The following POLR3G variants were observed in gnomAD, a reference collection of about 807,000 sequenced individuals.
POLR3G encodes the protein DNA-directed RNA polymerase III subunit RPC7.
A neutral mutation model predicts 30.1 loss-of-function variants in POLR3G; 28 were observed. That is an observed-to-expected ratio of 0.93 (90% CI 0.69 to 1.27). POLR3G has a LOEUF of 1.27. Among genes scored for constraint, POLR3G ranks in the 50% most tolerant of loss-of-function variants. The pLI, the probability that POLR3G is intolerant of heterozygous loss-of-function variation, is 0.00. For synonymous variants in POLR3G, 79 were observed against 82.5 expected (o/e 0.96, Z 0.23); for missense variants, 254 against 264.6 (o/e 0.96, Z 0.28).
intron 1 of POLR3G, among the ~76,000 whole-genome samples, chr5:90,479,400 G>A (rs1187614532): frequency 6.6e-6 from 1 of 152,106 alleles, no homozygotes; most frequent in African/African-American, 2.4e-5. Context: ...TTGAACCCGG[G>A]AGGCGGAGGT....
chr5:90,479,111 T>C (rs1227746244), intron 1 of POLR3G, among the ~76,000 whole-genome samples: 1 of 152,172 alleles, frequency 6.6e-6, no homozygotes, highest in Non-Finnish European at 1.5e-5. Flanking sequence ...ACATTAATTG[T>C]GGAGCTGTTG....
upstream of POLR3G, chr5:90,474,044 G>T (rs761125129): frequency 6.3e-7 from 1 of 1,590,380 alleles, no homozygotes; most frequent in South Asian, 1.1e-5. Flanking sequence ...CGAAGTGCAC[G>T]TGGGTGGCCA....
chr5:90,496,133 A>G (rs1266397493), intron 4 of POLR3G, among the ~76,000 whole-genome samples: 2 of 151,254 alleles, frequency 1.3e-5, no homozygotes, highest in Admixed American at 6.6e-5. Context: ...CACCATGCCC[A>G]GCTAATTTTT....
intron 7 of POLR3G, among the ~76,000 whole-genome samples, chr5:90,510,373 C>T (rs1045531198): frequency 4.6e-5 from 7 of 150,916 alleles, no homozygotes; most frequent in East Asian, 3.9e-4. Flanking sequence ...AGTGAGACTG[C>T]GTCTCAAAGA....
At chr5:90,494,225 C>T (rs1187359660) in intron 3 of POLR3G, among the ~76,000 whole-genome samples, 1 of 152,136 alleles carries the variant, frequency 6.6e-6, no homozygotes, top group African/African-American at 2.4e-5. Flanking sequence ...TGGCTTAGTA[C>T]ATATGAGTGC....
upstream of POLR3G, chr5:90,474,113 G>A (rs368726847): frequency 7.9e-5 from 125 of 1,579,986 alleles, no homozygotes; most frequent in Middle Eastern, 9.9e-4. Context: ...GCAAGAGGCC[G>A]GAGGAGTACA....
rs566383481 is a variant in POLR3G, at chr5:90,497,528, G to C, written c.305-128G>C. On this transcript the variant is annotated intron_variant, in intron 4 of 7. Transcript: ENST00000651687. The stretch of plus-strand genomic sequence containing the variant: ...TTTTTATATGTTTCAAGCTAAATTT[G>C]TAAAGTCAGATACTAAGGCACTTTA... The C allele has an allele frequency of 3.7e-6, 4 of 1,068,816 alleles. No individual in the cohort carries two copies. The African/African-American group carries it at 6.8e-5, about 18-fold the overall frequency. The allele number at this position is 1,068,816 out of a possible 1,614,324, so 66.2% of individuals were successfully genotyped here. A position where few individuals can be genotyped will look rare whatever the true frequency, so the allele number is the denominator to read the frequency against.
intron 1 of POLR3G, among the ~76,000 whole-genome samples, chr5:90,483,373 T>A (rs868090178): frequency 5.9e-5 from 9 of 152,156 alleles, no homozygotes; most frequent in South Asian, 2.1e-4. Flanking sequence ...AGCCATTATG[T>A]CAAATCAAAT....
chr5:90,510,165 G>A (rs1752670764), intron 7 of POLR3G, among the ~76,000 whole-genome samples: 1 of 152,096 alleles, frequency 6.6e-6, no homozygotes, highest in Admixed American at 6.5e-5. Flanking sequence ...CTTGCACTGA[G>A]TTCAGGATCA....
chr5:90,480,992 TTAAAA>T (rs1332668383), intron 1 of POLR3G, among the ~76,000 whole-genome samples: 5 of 152,200 alleles, frequency 3.3e-5, no homozygotes, highest in Non-Finnish European at 5.9e-5. Context: ...AGCTGGGCTA[TTAAAA>T]TAAATATAGT....
At chr5:90,483,088 G>A (rs928755145) in intron 1 of POLR3G, among the ~76,000 whole-genome samples, 2 of 142,726 alleles carry the variant, frequency 1.4e-5, no homozygotes, top group African/African-American at 5.2e-5. Context: ...TGCAGTCAGC[G>A]GAGACCATGC....
intron 1 of POLR3G, among the ~76,000 whole-genome samples, chr5:90,478,820 C>G (rs985205210): frequency 6.6e-6 from 1 of 151,476 alleles, no homozygotes; most frequent in Admixed American, 6.6e-5. Context: ...CCTGTCTCTA[C>G]TAAAAATGCA....
chr5:90,475,739 A>G (rs1386225956), intron 1 of POLR3G, among the ~76,000 whole-genome samples: 1 of 152,130 alleles, frequency 6.6e-6, no homozygotes, highest in African/African-American at 2.4e-5. Context: ...TTTTTGAGAC[A>G]GAGTCTCTGT....
rs763920313 is a variant in POLR3G, at chr5:90,479,881, A to G, written c.-44+4861A>G. Reference sequence around the variant, plus strand: ...GTTAGCCAAGAGGGAAGATGAGGAGAGTAGCAGAATCAAAACTGTGCTTTA... The same window carrying G: ...GTTAGCCAAGAGGGAAGATGAGGAGGGTAGCAGAATCAAAACTGTGCTTTA... On this transcript the variant is annotated intron_variant, in intron 1 of 7. Transcript: ENST00000651687. Among the ~76,000 whole-genome samples the G allele has an allele frequency of 6.4e-4, 98 of 152,294 alleles. 1 individual carries two copies. Among genetic ancestry groups the G allele is most frequent in the Non-Finnish European group, 8.5e-4 (58 of 68,018 alleles).
At chr5:90,504,072 A>G (rs554216709) in intron 6 of POLR3G, among the ~76,000 whole-genome samples, 15 of 152,212 alleles carry the variant, frequency 9.9e-5, no homozygotes, top group Non-Finnish European at 2.1e-4. Context: ...GCAATGAGAC[A>G]ATATATGTGG....
At chr5:90,510,503 T>G (rs1752689336) in intron 7 of POLR3G, among the ~76,000 whole-genome samples, 1 of 152,112 alleles carries the variant, frequency 6.6e-6, no homozygotes. Flanking sequence ...AATACTAGAG[T>G]ATCCCTTCCT....
chr5:90,506,517 A>G lies in POLR3G; in HGVS notation c.439-11A>G, dbSNP rs766342527. On this transcript the variant is annotated splice_polypyrimidine_tract_variant and intron_variant, in intron 6 of 7. Transcript: ENST00000651687. ...GTTTCCATACAAATTAATGAAACTC[A>G]CTTATACCAGGAATTGGAAAAAAGA... 2 of 1,611,192 alleles carry G rather than the reference A, an allele frequency of 1.2e-6. No individual in the cohort carries two copies.
intron 6 of POLR3G, among the ~76,000 whole-genome samples, chr5:90,503,723 G>GT (rs1299213877): frequency 6.6e-6 from 1 of 152,058 alleles, no homozygotes; most frequent in Non-Finnish European, 1.5e-5. Flanking sequence ...GCAGTTCCAA[G>GT]TTTTTTTTAT....
At chr5:90,475,995 G>C (rs1750793610) in intron 1 of POLR3G, among the ~76,000 whole-genome samples, 1 of 152,216 alleles carries the variant, frequency 6.6e-6, no homozygotes, top group Admixed American at 6.5e-5. Context: ...ACAGGCGTGA[G>C]CCACTACACC....
Sources: allele counts gnomAD v4.1 joint callset (sites outside exome capture counted in the v4.1 genomes callset), GRCh38; gene constraint gnomAD v4.1.1; transcripts MANE v1.5; gene names NCBI Gene and HGNC (gene_info 2026-07-23, HGNC 2026-07-21).